Variants in BLK observed in about 807,000 individuals in gnomAD.
BLK encodes the protein BLK proto-oncogene, Src family tyrosine kinase, also known as tyrosine-protein kinase Blk.
BLK carries 64 observed loss-of-function variants against 61.8 expected under a neutral mutation model. The observed-to-expected ratio is 1.03, with a 90% CI of 0.85 to 1.27. The LOEUF is 1.27. Ranked by LOEUF, BLK falls within the 50% of genes most tolerant of loss-of-function variation. BLK has a pLI of 0.00. For missense variants in BLK, 853 were observed against 660.5 expected, an observed-to-expected ratio of 1.29 and a Z score of -3.19; for synonymous variants, 351 against 272.0, an observed-to-expected ratio of 1.29 and a Z score of -2.86.
At chr8:11,522,963 T>C (rs958558055) in intron 1 of BLK, among the ~76,000 whole-genome samples, 5 of 152,146 alleles carry the variant, frequency 3.3e-5, no homozygotes, top group African/African-American at 9.7e-5. Context: ...TCTTCATATC[T>C]GGAACATAAA....
intron 2 of BLK, 120 bp from the exon 3 acceptor site, chr8:11,545,929 TGCC>T: frequency 9.8e-7 from 1 of 1,016,592 alleles, no homozygotes; most frequent in Non-Finnish European, 1.6e-6. Context: ...CACAGGCAGC[TGCC>T]TCTCCTCCTT....
At chr8:11,561,567 C>T (rs112637820) in intron 11 of BLK, 115 bp downstream of exon 11, 64 of 1,340,406 alleles carry the variant, frequency 4.8e-5, no homozygotes, top group South Asian at 1.4e-4. Context: ...GAGGGCTATA[C>T]GGTTTCTACA....
chr8:11,554,350 C>G, intron 6 of BLK: 1 of 319,096 alleles, frequency 3.1e-6, no homozygotes, highest in Non-Finnish European at 6.1e-6. Flanking sequence ...GAGATACCCT[C>G]TTTAGCCAGA....
At chr8:11,557,729 C>A (rs531009566) in intron 9 of BLK, among the ~76,000 whole-genome samples, 1 of 152,316 alleles carries the variant, frequency 6.6e-6, no homozygotes, top group East Asian at 1.9e-4. Flanking sequence ...TGAAACCTAA[C>A]TTCTGGGCAA....
intron 6 of BLK, among the ~76,000 whole-genome samples, chr8:11,550,560 A>G (rs1292076323): frequency 2.0e-5 from 3 of 152,260 alleles, no homozygotes; most frequent in Non-Finnish European, 4.4e-5. Flanking sequence ...AGTGGGGGCC[A>G]GGGAAGGGGG....
chr8:11,499,326 G>A lies in BLK; in HGVS notation c.-2+4735G>A, dbSNP rs180941707. 3.9e-5 allele frequency among the ~76,000 whole-genome samples: 6 copies of A among 152,286 alleles called. 1 individual carries two copies. Among genetic ancestry groups the A allele is most frequent in the Admixed American group, 3.3e-4 (5 of 15,300 alleles). Reference sequence around the variant, plus strand: ...CATCTAAGTTTTGTATACGATGTTCGCAGAACAACAAAATCACCTAATGAC... The same window carrying A: ...CATCTAAGTTTTGTATACGATGTTCACAGAACAACAAAATCACCTAATGAC... On this transcript the variant is annotated intron_variant, in intron 1 of 12. Coordinates refer to ENST00000259089, the MANE Select transcript of BLK (RefSeq NM_001715.3).
intron 1 of BLK, among the ~76,000 whole-genome samples, chr8:11,538,276 T>C (rs1800221565): frequency 6.6e-6 from 1 of 152,188 alleles, no homozygotes; most frequent in African/African-American, 2.4e-5. Flanking sequence ...GTGATGCGTT[T>C]TGCCTCTGTC....
chr8:11,530,829 T>A (rs1468604251), intron 1 of BLK, among the ~76,000 whole-genome samples: 1 of 152,218 alleles, frequency 6.6e-6, no homozygotes, highest in Admixed American at 6.5e-5. Context: ...GCTAAGAACA[T>A]ATATGTCAAG....
At chr8:11,510,209 T>G (rs931986598) in intron 1 of BLK, among the ~76,000 whole-genome samples, 1 of 152,166 alleles carries the variant, frequency 6.6e-6, no homozygotes, top group African/African-American at 2.4e-5. Context: ...AAACATTCAT[T>G]TGGGGGCTGG....
intron 1 of BLK, among the ~76,000 whole-genome samples, chr8:11,529,204 A>G (rs1396552923): frequency 6.6e-6 from 1 of 152,198 alleles, no homozygotes; most frequent in Non-Finnish European, 1.5e-5. Flanking sequence ...AAGCCAATTT[A>G]TCAAGACAGA....
At chr8:11,558,703 G>T (rs1477391789) in intron 10 of BLK, 2 of 456,124 alleles carry the variant, frequency 4.4e-6, no homozygotes, top group East Asian at 1.4e-4. Flanking sequence ...GGAGAGGAGG[G>T]TTTTAGCCGA....
chr8:11,524,912 T>A (rs1194576058), intron 1 of BLK, among the ~76,000 whole-genome samples: 2 of 132,790 alleles, frequency 1.5e-5, no homozygotes, highest in Non-Finnish European at 3.2e-5. Flanking sequence ...CCATTTTGCT[T>A]TTTTACAAAA....
At chr8:11,523,988 A>G (rs1799552927) in intron 1 of BLK, among the ~76,000 whole-genome samples, 1 of 152,212 alleles carries the variant, frequency 6.6e-6, no homozygotes, top group East Asian at 1.9e-4. Flanking sequence ...GCATATTCTT[A>G]AACACCATAA....
At chr8:11,526,672 CTG>C (rs1464705169) in intron 1 of BLK, among the ~76,000 whole-genome samples, 3 of 152,172 alleles carry the variant, frequency 2.0e-5, no homozygotes, top group African/African-American at 4.8e-5. Flanking sequence ...TGAGCTGAGA[CTG>C]TGCCAGTGCA....
intron 1 of BLK, among the ~76,000 whole-genome samples, chr8:11,514,549 T>G (rs1478634726): frequency 6.6e-6 from 1 of 152,152 alleles, no homozygotes; most frequent in South Asian, 2.1e-4. Context: ...GGAGAGAGGC[T>G]GGGGTACAAG....
At chr8:11,541,160 G>C (rs758358555) in intron 1 of BLK, among the ~76,000 whole-genome samples, 89 of 113,654 alleles carry the variant, frequency 7.8e-4, no homozygotes, top group Non-Finnish European at 1.4e-3. Flanking sequence ...CCAGCTACTC[G>C]AGAGGCTGAG....
rs377244303 is a variant in BLK at position 11,556,675 on chromosome 8, A to G, written c.790A>G (p.Met264Val). The change falls in exon 9 of 13, where the codon ATG becomes GTG. Residue 264 changes from methionine (M) to valine (V), a missense_variant. Physicochemically the swap from Met to Val is conservative, Grantham distance 21. Coordinates refer to ENST00000259089, the MANE Select transcript of BLK (RefSeq NM_001715.3). Reference sequence around the variant, plus strand: ...GGGCTCAGGTTACTACAAAAACAACATGAAGGTGGCCATTAAGACGCTGAA... The same window carrying G: ...GGGCTCAGGTTACTACAAAAACAACGTGAAGGTGGCCATTAAGACGCTGAA... ...EVWMGYYKNN[M>V]KVAIKTLKEG... 2 of 1,613,974 alleles carry G rather than the reference A, an allele frequency of 1.2e-6. No individual in the cohort carries two copies. The highest frequency in any genetic ancestry group is 1.3e-5 in the African/African-American group (1 of 74,892).
At chr8:11,513,913 C>G (rs1248901424) in intron 1 of BLK, among the ~76,000 whole-genome samples, 1 of 152,196 alleles carries the variant, frequency 6.6e-6, no homozygotes, top group Non-Finnish European at 1.5e-5. Context: ...TCTCCCATCA[C>G]TCGGAGAAGC....
intron 3 of BLK, among the ~76,000 whole-genome samples, chr8:11,547,664 G>A (rs564056569): frequency 7.9e-5 from 12 of 152,342 alleles, no homozygotes; most frequent in Non-Finnish European, 1.5e-4. Context: ...ATGGGCCTCC[G>A]AGGGCAGGTG....
Sources: gnomAD v4.1 joint callset for allele counts (sites outside exome capture counted in the v4.1 genomes callset) on GRCh38, gnomAD v4.1.1 for gene constraint, MANE v1.5 for transcripts, NCBI Gene and HGNC (gene_info 2026-07-23, HGNC 2026-07-21) for gene names.